The following FMN1 variants were observed in gnomAD, a reference collection of about 807,000 sequenced individuals.
FMN1 encodes the protein formin 1, also known as formin-1.
A neutral mutation model predicts 132.4 loss-of-function variants in FMN1; 110 were observed. The ratio of observed to expected loss-of-function variants is 0.83; its 90% CI spans 0.71 to 0.97. The LOEUF (loss-of-function observed/expected upper bound fraction) is 0.97, where lower values mean the gene tolerates loss of function less well. Ranked by LOEUF, FMN1 falls within the 50% of genes least tolerant of loss-of-function variation. The pLI is 0.00. For synonymous variants in FMN1, 722 were observed against 651.7 expected, an observed-to-expected ratio of 1.11 and a Z score of -1.64; for missense variants, 1,792 against 1,705.3, an observed-to-expected ratio of 1.05 and a Z score of -0.90.
intron 16 of FMN1, among the ~76,000 whole-genome samples, chr15:32,884,700 T>C (rs1445166218): frequency 6.6e-6 from 1 of 152,194 alleles, no homozygotes; most frequent in Non-Finnish European, 1.5e-5. Flanking sequence ...ATTGTTTGTG[T>C]TTTCTCAATT....
At chr15:33,041,469 T>TTA (rs1555387317) in intron 6 of FMN1, among the ~76,000 whole-genome samples, 4 of 123,536 alleles carry the variant, frequency 3.2e-5, no homozygotes, top group Admixed American at 1.7e-4. Context: ...TCCTCACCAG[T>TTA]AAACAAAAAA....
At chr15:33,188,348 A>T (rs1965961541) in intron 2 of FMN1, among the ~76,000 whole-genome samples, 2 of 152,178 alleles carry the variant, frequency 1.3e-5, no homozygotes, top group Non-Finnish European at 1.5e-5. Flanking sequence ...TCAAAAAAAA[A>T]GTCGAGTTAG....
At chr15:32,984,693 T>C (rs1026473165) in intron 7 of FMN1, among the ~76,000 whole-genome samples, 2 of 152,194 alleles carry the variant, frequency 1.3e-5, no homozygotes, top group African/African-American at 4.8e-5. Context: ...TTTGTTTAGA[T>C]GGTGGTGGCC....
Position 32,827,302 on chromosome 15 carries a change from A to T in FMN1, c.3929-22970T>A, listed in dbSNP as rs117880513. The stretch of plus-strand genomic sequence containing the variant: ...TTTGGGTCTCGGCAGCATTATCTTG[A>T]GCAGAGTTTGTGGCGGTAAGGCCCA... On this transcript the variant is annotated intron_variant, in intron 17 of 20. Transcript: ENST00000616417. Among the ~76,000 whole-genome samples, 589 of 152,318 alleles carry T rather than the reference A, an allele frequency of 3.9e-3. 1 individual carries two copies. The highest frequency in any genetic ancestry group is 6.9e-3 in the Non-Finnish European group (468 of 68,032).
chr15:32,862,307 G>C (rs1212138519), intron 16 of FMN1, among the ~76,000 whole-genome samples: 1 of 152,080 alleles, frequency 6.6e-6, no homozygotes, highest in Non-Finnish European at 1.5e-5. Flanking sequence ...CCAGTTAAAA[G>C]CCAAAGTCAC....
intron 6 of FMN1, among the ~76,000 whole-genome samples, chr15:33,044,022 T>C (rs2036564671): frequency 6.6e-6 from 1 of 152,222 alleles, no homozygotes; most frequent in Admixed American, 6.5e-5. Context: ...TCCCCTATTC[T>C]GGCACCTGCT....
At chr15:33,020,421 G>A (rs897574674) in intron 6 of FMN1, among the ~76,000 whole-genome samples, 1 of 150,936 alleles carries the variant, frequency 6.6e-6, no homozygotes, top group East Asian at 2.0e-4. Flanking sequence ...GCCGAGGTGG[G>A]TGGATGACTG....
intron 17 of FMN1, among the ~76,000 whole-genome samples, chr15:32,847,490 T>C (rs999695673): frequency 1.3e-5 from 2 of 151,980 alleles, no homozygotes; most frequent in African/African-American, 4.8e-5. Context: ...CCCAGCACTT[T>C]GGGAGGCTGG....
At chr15:33,173,394 G>A (rs550318797) in intron 3 of FMN1, among the ~76,000 whole-genome samples, 7 of 152,322 alleles carry the variant, frequency 4.6e-5, no homozygotes, top group South Asian at 2.1e-4. Flanking sequence ...ATGAGACCAC[G>A]AAACCAAGCA....
intron 15 of FMN1, among the ~76,000 whole-genome samples, chr15:32,890,595 G>C (rs143356385): frequency 5.3e-5 from 8 of 152,048 alleles, no homozygotes; most frequent in African/African-American, 1.9e-4. Context: ...CATGTACTTC[G>C]CCGACTTTTT....
intron 7 of FMN1, among the ~76,000 whole-genome samples, chr15:32,998,450 T>C (rs2033906900): frequency 6.6e-6 from 1 of 152,204 alleles, no homozygotes; most frequent in African/African-American, 2.4e-5. Flanking sequence ...ACTTTGAAGC[T>C]AGAAGGAAAC....
intron 6 of FMN1, among the ~76,000 whole-genome samples, chr15:33,042,648 AT>A (rs1024902309): frequency 1.6e-4 from 25 of 152,208 alleles, no homozygotes; most frequent in Admixed American, 1.6e-3. Context: ...AGAGTGAAGG[AT>A]TTAGTAAATG....
At chr15:32,795,579 CAATTAATGGG>C (rs2057258509) in intron 19 of FMN1, among the ~76,000 whole-genome samples, 1 of 147,764 alleles carries the variant, frequency 6.8e-6, no homozygotes, top group Non-Finnish European at 1.5e-5. Context: ...ATCACATAGC[CAATTAATGGG>C]GGTGGGGGGG....
chr15:32,795,313 C>G (rs1427566516), intron 19 of FMN1, among the ~76,000 whole-genome samples: 2 of 152,148 alleles, frequency 1.3e-5, no homozygotes, highest in Non-Finnish European at 2.9e-5. Context: ...CACCTAATCT[C>G]TCTCCCAACT....
intron 7 of FMN1, among the ~76,000 whole-genome samples, chr15:32,996,761 T>C (rs1871361): frequency 0.22 from 33,718 of 152,110 alleles, 4,198 homozygotes; most frequent in African/African-American, 0.35. Context: ...ATTCACACTA[T>C]GAATTCCAAA....
intron 4 of FMN1, among the ~76,000 whole-genome samples, chr15:33,124,882 A>G (rs930109491): frequency 4.0e-5 from 6 of 151,598 alleles, no homozygotes; most frequent in African/African-American, 1.2e-4. Context: ...GAAACAAATC[A>G]TAGAGCCTTG....
At chr15:32,994,689 T>G (rs1479770182) in intron 7 of FMN1, among the ~76,000 whole-genome samples, 1 of 152,196 alleles carries the variant, frequency 6.6e-6, no homozygotes, top group Non-Finnish European at 1.5e-5. Context: ...ACATATTGAA[T>G]GATTGAGAAA....
chr15:32,989,874 C>G lies in FMN1; in HGVS notation c.2223+18140G>C, dbSNP rs79383528. 9.3e-3 allele frequency among the ~76,000 whole-genome samples: 1,411 copies of G among 152,086 alleles called. 25 individuals are homozygous for G. Among genetic ancestry groups the G allele is most frequent in the African/African-American group, 0.031 (1,269 of 41,462 alleles). On this transcript the variant is annotated intron_variant, in intron 7 of 20. Transcript: ENST00000616417. ...CAAGGATGCATCTGAGGTTTTTGGC[C>G]TAGACTTTTAGTTTTAGGAGAACCA...
chr15:32,895,815 T>A (rs1435451089), intron 15 of FMN1, among the ~76,000 whole-genome samples: 1 of 152,122 alleles, frequency 6.6e-6, no homozygotes, highest in Non-Finnish European at 1.5e-5. Context: ...TATTTTGAAT[T>A]TAGTTTTAAG....
Sources: allele counts gnomAD v4.1 joint callset (sites outside exome capture counted in the v4.1 genomes callset), GRCh38; gene constraint gnomAD v4.1.1; transcripts MANE v1.5; gene names NCBI Gene and HGNC (gene_info 2026-07-23, HGNC 2026-07-21).